Variants in BLK observed in about 807,000 individuals in gnomAD.
BLK encodes the protein BLK proto-oncogene, Src family tyrosine kinase, also known as tyrosine-protein kinase Blk.
A neutral mutation model predicts 61.8 loss-of-function variants in BLK; 64 were observed. That is an observed-to-expected ratio of 1.03 (90% confidence interval 0.85 to 1.27). BLK has a LOEUF of 1.27. Among genes scored for constraint, BLK ranks in the 50% most tolerant of loss-of-function variants. The pLI is 0.00. For missense variants in BLK, 853 were observed against 660.5 expected, an observed-to-expected ratio of 1.29 and a Z score of -3.19; for synonymous variants, 351 against 272.0, an observed-to-expected ratio of 1.29 and a Z score of -2.86.
At position 11,555,817 on chromosome 8, in the gene BLK, G is replaced by A. The variant is rs1585412519; in HGVS notation, c.772+333G>A. The stretch of plus-strand genomic sequence containing the variant: ...ACTCCCCTTAGCTTTTCATCACCCA[G>A]ATGGAAACAGGAGGTTAAACGTGAT... On this transcript the variant is annotated intron_variant, in intron 8 of 12. Coordinates refer to ENST00000259089, the MANE Select transcript of BLK (RefSeq NM_001715.3). The A allele has an allele frequency of 1.0e-5, 4 of 394,398 alleles. No individual in the cohort carries two copies. In the East Asian group the frequency reaches 2.5e-4, roughly 24 times the overall value. The allele number at this position is 394,398 out of a possible 1,614,324, so 24.4% of individuals were successfully genotyped here. A position where few individuals can be genotyped will look rare whatever the true frequency, so the allele number is the denominator to read the frequency against.
At chr8:11,520,619 A>G (rs567941806) in intron 1 of BLK, among the ~76,000 whole-genome samples, 1 of 152,146 alleles carries the variant, frequency 6.6e-6, no homozygotes, top group African/African-American at 2.4e-5. Flanking sequence ...CTTCCTAGAT[A>G]TCTTCTGCAA....
At chr8:11,555,014 G>C in intron 7 of BLK, 125 bp downstream of exon 7, 1 of 1,420,124 alleles carries the variant, frequency 7.0e-7, no homozygotes, top group South Asian at 1.3e-5. Context: ...CCCAAAGTTA[G>C]GCCTAAGGAG....
intron 1 of BLK, among the ~76,000 whole-genome samples, chr8:11,499,692 T>C (rs1412139906): frequency 6.6e-6 from 1 of 152,204 alleles, no homozygotes; most frequent in African/African-American, 2.4e-5. Context: ...AATCCATGCC[T>C]CTCTGGAGCA....
At chr8:11,510,412 A>G (rs1798951193) in intron 1 of BLK, among the ~76,000 whole-genome samples, 1 of 152,124 alleles carries the variant, frequency 6.6e-6, no homozygotes, top group South Asian at 2.1e-4. Context: ...CTTTGGGTAC[A>G]TTTGTCCCAT....
chr8:11,554,466 G>A (rs574234223), intron 6 of BLK, among the ~76,000 whole-genome samples: 2 of 152,152 alleles, frequency 1.3e-5, no homozygotes, highest in Non-Finnish European at 2.9e-5. Flanking sequence ...TGATTGCTGA[G>A]AAACTGTGCT....
chr8:11,546,247 G>C, intron 3 of BLK, 144 bp downstream of exon 3: 1 of 980,922 alleles, frequency 1.0e-6, no homozygotes, highest in Non-Finnish European at 1.6e-6. Flanking sequence ...CCCCGGCTCT[G>C]TGCCTCTTGG....
intron 1 of BLK, among the ~76,000 whole-genome samples, chr8:11,541,745 G>A (rs923214962): frequency 2.6e-5 from 4 of 152,034 alleles, no homozygotes; most frequent in Non-Finnish European, 4.4e-5. Flanking sequence ...GGATCTGCCC[G>A]CCTCGGCCTT....
chr8:11,558,508 T>A, intron 10 of BLK: 1 of 376,070 alleles, frequency 2.7e-6, no homozygotes, highest in Non-Finnish European at 5.3e-6. Context: ...CCCAGGCTGA[T>A]GGGCAGGCCT....
chr8:11,535,198 G>GGAAA (rs145738265), intron 1 of BLK, among the ~76,000 whole-genome samples: 12 of 79,210 alleles, frequency 1.5e-4, no homozygotes, highest in African/African-American at 3.0e-4. Context: ...AAAGAAAGAA[G>GGAAA]GAAAGAAAGA....
chr8:11,508,512 A>G (rs1361800938), intron 1 of BLK, among the ~76,000 whole-genome samples: 1 of 151,838 alleles, frequency 6.6e-6, no homozygotes, highest in Non-Finnish European at 1.5e-5. Flanking sequence ...ATTCCTGTCC[A>G]CGCAGTAGCT....
intron 1 of BLK, among the ~76,000 whole-genome samples, chr8:11,510,975 G>A (rs371656859): frequency 6.6e-6 from 1 of 152,244 alleles, no homozygotes; most frequent in East Asian, 1.9e-4. Context: ...TAAAACACAT[G>A]GATCCCCGTA....
At position 11,564,300 on chromosome 8, in the gene BLK, A is replaced by G. The variant is rs2117614665; in HGVS notation, c.*192A>G. The G allele has an allele frequency of 1.3e-6, 1 of 740,946 alleles. No homozygotes were observed. The highest frequency in any genetic ancestry group is 2.4e-6 in the Non-Finnish European group (1 of 422,164). The allele number at this position is 740,946 out of a possible 1,614,324, so 45.9% of individuals were successfully genotyped here. A position where few individuals can be genotyped will look rare whatever the true frequency, so the allele number is the denominator to read the frequency against. ...CACCGACTGCACCCCCGGGCGAGTT[A>G]CGCGGCCTCTCTGTGCCGCTTCATT... On this transcript the variant is annotated 3_prime_UTR_variant, in exon 13 of 13. Coordinates refer to ENST00000259089, the MANE Select transcript of BLK (RefSeq NM_001715.3).
At chr8:11,498,802 G>C (rs1332705398) in intron 1 of BLK, among the ~76,000 whole-genome samples, 1 of 152,176 alleles carries the variant, frequency 6.6e-6, no homozygotes, top group African/African-American at 2.4e-5. Context: ...CACATCACAG[G>C]ATTAACAGAA....
chr8:11,558,671 T>C (rs1280581126), intron 10 of BLK: 5 of 456,104 alleles, frequency 1.1e-5, no homozygotes, highest in Non-Finnish European at 2.2e-5. Flanking sequence ...CTTTCTGGAC[T>C]CCATGGGGTG....
chr8:11,554,911 G>C, intron 7 of BLK, 22 bp downstream of exon 7: 1 of 1,609,278 alleles, frequency 6.2e-7, no homozygotes, highest in Non-Finnish European at 8.5e-7. Context: ...CGTGCAATGG[G>C]GGCAGGGACT....
chr8:11,506,936 G>A (rs1190872522), intron 1 of BLK, among the ~76,000 whole-genome samples: 1 of 152,218 alleles, frequency 6.6e-6, no homozygotes. Flanking sequence ...CTGAAAGCAG[G>A]AAAGTTCTTT....
intron 10 of BLK, 23 bp downstream of exon 10, chr8:11,558,061 A>G (rs1238945171): frequency 6.2e-7 from 1 of 1,613,024 alleles, no homozygotes; most frequent in African/African-American, 1.3e-5. Context: ...CCAGGTGCAG[A>G]GAAAGGGCGG....
chr8:11,548,812 G>T (rs375901879), intron 4 of BLK, among the ~76,000 whole-genome samples: 3 of 152,228 alleles, frequency 2.0e-5, no homozygotes, highest in Non-Finnish European at 4.4e-5. Flanking sequence ...GGCTGGTCAG[G>T]CTGTGTAGAT....
intron 1 of BLK, among the ~76,000 whole-genome samples, chr8:11,529,871 G>A (rs561151003): frequency 1.3e-5 from 2 of 152,276 alleles, no homozygotes; most frequent in Admixed American, 6.5e-5. Flanking sequence ...AGCTTCAGGA[G>A]TCCCTGTAGA....
Sources: allele counts gnomAD v4.1 joint callset (sites outside exome capture counted in the v4.1 genomes callset), GRCh38; gene constraint gnomAD v4.1.1; transcripts MANE v1.5; gene names NCBI Gene and HGNC (gene_info 2026-07-23, HGNC 2026-07-21).